Variants in TRPC6 observed in about 807,000 individuals in gnomAD.
TRPC6 encodes the protein short transient receptor potential channel 6.
A neutral mutation model predicts 90.7 loss-of-function variants in TRPC6; 55 were observed. The ratio of observed to expected loss-of-function variants is 0.61; its 90% CI spans 0.49 to 0.76. The LOEUF (loss-of-function observed/expected upper bound fraction) is 0.76, where lower values mean the gene tolerates loss of function less well. Ranked by LOEUF, TRPC6 falls within the 30% of genes least tolerant of loss-of-function variation. The probability of loss-of-function intolerance (pLI) is 0.00; values close to 1 mark genes in which losing one functional copy is unlikely to be tolerated. For missense variants in TRPC6, 989 were observed against 1,122.7 expected, an observed-to-expected ratio of 0.88 and a Z score of 1.70; for synonymous variants, 393 against 393.0, an observed-to-expected ratio of 1.00 and a Z score of 0.00.
At chr11:101,532,359 T>A (rs1860927643) in intron 1 of TRPC6, among the ~76,000 whole-genome samples, 2 of 152,202 alleles carry the variant, frequency 1.3e-5, no homozygotes, top group Admixed American at 1.3e-4. Context: ...CCTGCCTCAC[T>A]CCACCTTTGA....
chr11:101,555,527 A>T (rs1235807020), intron 1 of TRPC6, among the ~76,000 whole-genome samples: 1 of 152,144 alleles, frequency 6.6e-6, no homozygotes, highest in Non-Finnish European at 1.5e-5. Context: ...TGGTATGAAT[A>T]CCCCTGAGCA....
chr11:101,467,149 T>C (rs1374484371), intron 10 of TRPC6, among the ~76,000 whole-genome samples: 4 of 152,256 alleles, frequency 2.6e-5, no homozygotes, highest in Non-Finnish European at 4.4e-5. Context: ...CTGTTCCTAT[T>C]CGGCCATCTT....
chr11:101,573,434 T>G (rs1440999056), intron 1 of TRPC6, among the ~76,000 whole-genome samples: 2 of 152,226 alleles, frequency 1.3e-5, no homozygotes, highest in South Asian at 4.1e-4. Flanking sequence ...AACTTCTTTT[T>G]CTGCATTTAC....
rs1565440974 is a variant in TRPC6 at position 101,452,878 on chromosome 11, C to CACTT, written c.*73_*76dup. 9 of 1,559,374 alleles carry CACTT rather than the reference C, an allele frequency of 5.8e-6. No individual in the cohort carries two copies. In the Admixed American group the frequency reaches 1.2e-4, roughly 20 times the overall value. On this transcript the variant is annotated 3_prime_UTR_variant, in exon 13 of 13. Transcript: ENST00000344327. ...CTTGTTTAAAAGGTGGGCCCATTGG[C>CACTT]ACTTAAGAAAATAAATCAGAAAATA...
Position 101,583,975 on chromosome 11 carries a change from T to C in TRPC6, c.-472A>G. The stretch of plus-strand genomic sequence containing the variant: ...GACGTTCTAGAAAGCAGCCAAAGCC[T>C]GTCCTGTAGCCACAACTTTCAGGAG... On this transcript the variant is annotated 5_prime_UTR_variant, in exon 1 of 13. Transcript: ENST00000344327. 1 of 154,658 alleles carries C rather than the reference T, an allele frequency of 6.5e-6. No homozygotes were observed. Among genetic ancestry groups the C allele is most frequent in the South Asian group, 2.1e-4 (1 of 4,856 alleles). The allele number at this position is 154,658 out of a possible 1,614,324, so 9.6% of individuals were successfully genotyped here.
chr11:101,564,145 A>C (rs1447072408), intron 1 of TRPC6, among the ~76,000 whole-genome samples: 1 of 151,220 alleles, frequency 6.6e-6, no homozygotes, highest in Admixed American at 6.6e-5. Flanking sequence ...TTTGCATTGT[A>C]TGAATACTCT....
intron 1 of TRPC6, among the ~76,000 whole-genome samples, chr11:101,521,347 A>C (rs2136778164): frequency 6.6e-6 from 1 of 152,328 alleles, no homozygotes; most frequent in East Asian, 1.9e-4. Context: ...GCAAACCATA[A>C]GCCTTGGTGG....
At chr11:101,484,790 A>T (rs969838371) in intron 4 of TRPC6, among the ~76,000 whole-genome samples, 2 of 152,044 alleles carry the variant, frequency 1.3e-5, no homozygotes, top group Admixed American at 6.6e-5. Flanking sequence ...TCATGCCGAG[A>T]TTACTTATAA....
At chr11:101,542,724 A>T (rs1368246161) in intron 1 of TRPC6, among the ~76,000 whole-genome samples, 1 of 151,998 alleles carries the variant, frequency 6.6e-6, no homozygotes, top group East Asian at 1.9e-4. Context: ...AGCTAAATTT[A>T]TATAATCTAT....
rs1013808248 is a variant in TRPC6, at chr11:101,499,259, G to A, written c.945+4765C>T. Reference sequence around the variant, plus strand: ...TTCACTAGAAAAGTATCTCAAACAGGCAAGGCAGAAAAGCTTAGTGAGAGT... The same window carrying A: ...TTCACTAGAAAAGTATCTCAAACAGACAAGGCAGAAAAGCTTAGTGAGAGT... On this transcript the variant is annotated intron_variant, in intron 2 of 12. Transcript: ENST00000344327. 5.5e-4 allele frequency among the ~76,000 whole-genome samples: 84 copies of A among 152,006 alleles called. 1 individual carries two copies. The highest frequency in any genetic ancestry group is 5.5e-3 in the Admixed American group (84 of 15,228).
intron 1 of TRPC6, among the ~76,000 whole-genome samples, chr11:101,543,954 G>T (rs12800593): frequency 0.073 from 11,160 of 152,098 alleles, 556 homozygotes; most frequent in Non-Finnish European, 0.11. Flanking sequence ...GCAAACTACA[G>T]AATGGGAGAA....
intron 10 of TRPC6, among the ~76,000 whole-genome samples, chr11:101,464,601 G>A (rs1217270933): frequency 6.6e-6 from 1 of 152,102 alleles, no homozygotes. Context: ...CAGAGACTAG[G>A]ATTGCAACAC....
chr11:101,555,485 T>C (rs1446847468), intron 1 of TRPC6, among the ~76,000 whole-genome samples: 1 of 152,186 alleles, frequency 6.6e-6, no homozygotes, highest in Non-Finnish European at 1.5e-5. Flanking sequence ...TGCTCATAGT[T>C]ATCGATGTGA....
In TRPC6 at chr11:101,526,423, C is replaced by T. The variant is rs1860780860; in HGVS notation, c.171-21625G>A. Among the ~76,000 whole-genome samples, 5 of 152,194 alleles carry T rather than the reference C, an allele frequency of 3.3e-5. No homozygotes were observed. The South Asian group carries it at 1.0e-3, about 31-fold the overall frequency. ...AATAAATTTTGGCATAGTTTAGTTTCTCTTCCTTCTTTTAAAGTCAAGATC... is the reference window on the plus strand; with the variant it reads ...AATAAATTTTGGCATAGTTTAGTTTTTCTTCCTTCTTTTAAAGTCAAGATC... On this transcript the variant is annotated intron_variant, in intron 1 of 12. Transcript: ENST00000344327.
chr11:101,504,885 T>TTGA, intron 1 of TRPC6, 87 bp from the exon 2 acceptor site: 2 of 1,430,068 alleles, frequency 1.4e-6, no homozygotes, highest in African/African-American at 1.4e-5. Flanking sequence ...AATACAATCC[T>TTGA]CAAGTATATT....
In TRPC6 at chr11:101,583,636, G is replaced by A. The variant is rs202229148; in HGVS notation, c.-133C>T. On this transcript the variant is annotated 5_prime_UTR_variant, in exon 1 of 13. Coordinates refer to ENST00000344327, the MANE Select transcript of TRPC6 (RefSeq NM_004621.6). ...GGCAGACCGGTGCCCAGGGGACGAC[G>A]GTGAAGCAGGGGGTGCAGACGCCCG... is the stretch of plus-strand genomic sequence containing the variant. The A allele has an allele frequency of 2.0e-6, 2 of 1,004,816 alleles. No homozygotes were observed. Among genetic ancestry groups the A allele is most frequent in the Non-Finnish European group, 2.7e-6 (2 of 742,518 alleles). The allele number at this position is 1,004,816 out of a possible 1,614,324, so 62.2% of individuals were successfully genotyped here. A position where few individuals can be genotyped will look rare whatever the true frequency, so the allele number is the denominator to read the frequency against.
chr11:101,497,545 T>A (rs1859978417), intron 2 of TRPC6, among the ~76,000 whole-genome samples: 1 of 152,140 alleles, frequency 6.6e-6, no homozygotes, highest in Non-Finnish European at 1.5e-5. Context: ...TTTCTCAGTG[T>A]CAGCAGCAGA....
chr11:101,509,535 G>A (rs974998588), intron 1 of TRPC6, among the ~76,000 whole-genome samples: 3 of 152,068 alleles, frequency 2.0e-5, no homozygotes, highest in African/African-American at 7.2e-5. Context: ...TCTGAGTTGT[G>A]ACATCTTTTA....
intron 1 of TRPC6, among the ~76,000 whole-genome samples, chr11:101,571,629 G>C (rs555158027): frequency 6.6e-6 from 1 of 152,246 alleles, no homozygotes; most frequent in African/African-American, 2.4e-5. Flanking sequence ...ATACTACAAG[G>C]CTACAGTAAC....
Sources: allele counts gnomAD v4.1 joint callset (sites outside exome capture counted in the v4.1 genomes callset), GRCh38; gene constraint gnomAD v4.1.1; transcripts MANE v1.5; gene names NCBI Gene and HGNC (gene_info 2026-07-23, HGNC 2026-07-21).